The following FCRL2 variants were observed in gnomAD, a reference collection of about 807,000 sequenced individuals.
FCRL2 encodes the protein Fc receptor like 2.
In FCRL2, 48 loss-of-function variants were observed where a neutral mutation model predicts 59.8. The observed-to-expected ratio is 0.80, with a 90% CI of 0.64 to 1.02. The LOEUF is 1.02. Ranked by LOEUF, FCRL2 falls within the 50% of genes least tolerant of loss-of-function variation. The pLI, the probability that FCRL2 is intolerant of heterozygous loss-of-function variation, is 0.00. For synonymous variants in FCRL2, 251 were observed against 229.5 expected (o/e 1.09, Z -0.85); for missense variants, 658 against 597.3 (o/e 1.10, Z -1.06).
chr1:157,767,653 G>A (rs959822572), intron 5 of FCRL2, 144 bp from the exon 6 acceptor site: 20 of 1,604,324 alleles, frequency 1.2e-5, no homozygotes, highest in Non-Finnish European at 1.7e-5. Context: ...AACAGTTAGA[G>A]ATAATTTTCT....
rs771522371 is a variant in FCRL2 at position 157,770,468 on chromosome 1, G to GGA, written c.250_251insTC (p.Thr84IlefsTer15). On this transcript the variant is annotated frameshift_variant, in exon 3 of 12. Coordinates refer to ENST00000361516, the MANE Select transcript of FCRL2 (RefSeq NM_030764.4). LOFTEE classifies it high-confidence loss of function. ...ATCCCAGAGAAAGAGTTGTCCTTTG[G>GGA]TACTACAGAAATAGTTACCACTGTC... is the stretch of plus-strand genomic sequence containing the variant. 6.2e-6 allele frequency: 10 copies of GGA among 1,613,846 alleles called. No homozygotes were observed. In the African/African-American group the frequency reaches 1.2e-4, roughly 19 times the overall value.
At chr1:157,765,233 G>C (rs1428141454) in intron 7 of FCRL2, among the ~76,000 whole-genome samples, 1 of 152,186 alleles carries the variant, frequency 6.6e-6, no homozygotes, top group Non-Finnish European at 1.5e-5. Flanking sequence ...AATTTACCAA[G>C]ATTGAATCAG....
rs1021766083 is a variant in FCRL2 at position 157,767,227 on chromosome 1, C to T, written c.1162+4G>A. On this transcript the variant is annotated splice_donor_region_variant and intron_variant, in intron 6 of 11. Coordinates refer to ENST00000361516, the MANE Select transcript of FCRL2 (RefSeq NM_030764.4). ...AACTCTGTATCCAGGTAACACCCAC[C>T]CACCTGAGATGGAGACTGGCACTGC... is the stretch of plus-strand genomic sequence containing the variant. 2 of 1,608,812 alleles carry T rather than the reference C, an allele frequency of 1.2e-6. No individual in the cohort carries two copies. Among genetic ancestry groups the T allele is most frequent in the Admixed American group, 1.7e-5 (1 of 59,462 alleles).
At chr1:157,765,345 T>C (rs558186684) in intron 7 of FCRL2, among the ~76,000 whole-genome samples, 1 of 152,206 alleles carries the variant, frequency 6.6e-6, no homozygotes, top group African/African-American at 2.4e-5. Flanking sequence ...ATGGATTTAC[T>C]GTCAAATTCT....
intron 1 of FCRL2, 115 bp downstream of exon 1, chr1:157,776,928 G>T: frequency 1.0e-6 from 1 of 974,800 alleles, no homozygotes; most frequent in Non-Finnish European, 1.6e-6. Context: ...CAAGCTGCAG[G>T]CAGGACCTGA....
At chr1:157,749,111 T>C (rs968834283) in intron 8 of FCRL2, 151 bp from the exon 9 acceptor site, 1 of 565,012 alleles carries the variant, frequency 1.8e-6, no homozygotes, top group Non-Finnish European at 3.1e-6. Flanking sequence ...CTATCTACTT[T>C]GATATGGCCA....
chr1:157,760,124 A>G (rs1648906862), intron 7 of FCRL2, among the ~76,000 whole-genome samples: 1 of 152,174 alleles, frequency 6.6e-6, no homozygotes, highest in South Asian at 2.1e-4. Context: ...AAAAAATGAG[A>G]TTATGTTCTT....
At chr1:157,767,884 TA>T (rs1185907073) in intron 5 of FCRL2, 1 of 470,712 alleles carries the variant, frequency 2.1e-6, no homozygotes, top group Non-Finnish European at 3.5e-6. Flanking sequence ...GGAGCATTTC[TA>T]AACATATATT....
At chr1:157,763,344 G>C (rs1009372839) in intron 7 of FCRL2, among the ~76,000 whole-genome samples, 4 of 151,986 alleles carry the variant, frequency 2.6e-5, no homozygotes, top group Admixed American at 6.6e-5. Context: ...CCAACATGGT[G>C]AAACCCCATC....
chr1:157,762,136 C>T (rs551397820), intron 7 of FCRL2, among the ~76,000 whole-genome samples: 20 of 152,302 alleles, frequency 1.3e-4, no homozygotes, highest in South Asian at 4.1e-4. Context: ...CAGTCCACCA[C>T]GACGGCACCT....
At chr1:157,763,317 G>C (rs1006609124) in intron 7 of FCRL2, among the ~76,000 whole-genome samples, 2 of 151,724 alleles carry the variant, frequency 1.3e-5, no homozygotes, top group Non-Finnish European at 2.9e-5. Context: ...GAGGTCACGA[G>C]TTTGAGACTA....
At position 157,763,708 on chromosome 1, in the gene FCRL2, T is replaced by C. The variant is rs190126767; in HGVS notation, c.1279+3147A>G. ...ACAGAAACCAAAAATGAGCAGTAGC[T>C]ATACTCATATCAGATAAAACAGACT... On this transcript the variant is annotated intron_variant, in intron 7 of 11. Transcript: ENST00000361516. Among the ~76,000 whole-genome samples the C allele has an allele frequency of 2.7e-4, 41 of 151,980 alleles. No homozygotes were observed. The East Asian group carries it at 6.1e-3, about 22-fold the overall frequency.
chr1:157,751,099 C>T (rs1319604641), intron 7 of FCRL2, among the ~76,000 whole-genome samples: 1 of 152,034 alleles, frequency 6.6e-6, no homozygotes, highest in African/African-American at 2.4e-5. Flanking sequence ...GACTCAATAT[C>T]CAATTTGTTC....
At chr1:157,763,305 T>C (rs1346207527) in intron 7 of FCRL2, among the ~76,000 whole-genome samples, 7 of 151,028 alleles carry the variant, frequency 4.6e-5, no homozygotes, top group Non-Finnish European at 7.4e-5. Context: ...GGAGGGTCAT[T>C]TGAGGTCACG....
intron 7 of FCRL2, among the ~76,000 whole-genome samples, chr1:157,761,808 T>C (rs948973182): frequency 6.6e-6 from 1 of 152,084 alleles, no homozygotes; most frequent in African/African-American, 2.4e-5. Flanking sequence ...CAAAAACATA[T>C]AGTCATGCTG....
At chr1:157,765,100 A>G (rs577304124) in intron 7 of FCRL2, among the ~76,000 whole-genome samples, 1 of 152,306 alleles carries the variant, frequency 6.6e-6, no homozygotes, top group African/African-American at 2.4e-5. Flanking sequence ...GAAGACTCAA[A>G]TAAACATAAT....
intron 5 of FCRL2, 91 bp downstream of exon 5, chr1:157,768,323 C>T: frequency 7.2e-7 from 1 of 1,379,952 alleles, no homozygotes. Context: ...AGCACTAATC[C>T]CTGGGGCCTC....
rs916544992 is a variant in FCRL2, at chr1:157,777,054, A to G, written c.20T>C (p.Leu7Pro). Residue 7 changes from leucine to proline, a missense_variant, in exon 1 of 12, where the codon CTG (leucine) becomes CCG (proline). Coordinates refer to ENST00000361516, the MANE Select transcript of FCRL2 (RefSeq NM_030764.4). MLLWSL[L>P]VIFDAVTEQA... ...ATTATTGAACTCACCAAAGATGACC[A>G]GCAATGACCACAGCAGCATGAGGAC... The G allele has an allele frequency of 1.2e-6, 2 of 1,614,062 alleles. No individual in the cohort carries two copies. The highest frequency in any genetic ancestry group is 1.7e-5 in the Admixed American group (1 of 60,012).
chr1:157,776,753 G>A (rs1650448201), intron 1 of FCRL2, among the ~76,000 whole-genome samples: 1 of 151,608 alleles, frequency 6.6e-6, no homozygotes, highest in African/African-American at 2.4e-5. Flanking sequence ...TTTACTATGA[G>A]AACATTATAT....
Sources: gnomAD v4.1 joint callset for allele counts (sites outside exome capture counted in the v4.1 genomes callset) on GRCh38, gnomAD v4.1.1 for gene constraint, MANE v1.5 for transcripts, NCBI Gene and HGNC (gene_info 2026-07-23, HGNC 2026-07-21) for gene names.